Variants in TANC1 observed in about 807,000 individuals in gnomAD.
TANC1 encodes protein TANC1.
In TANC1, 77 loss-of-function variants were observed where a neutral mutation model predicts 149.7. The observed-to-expected ratio is 0.51, with a 90% CI of 0.43 to 0.62. TANC1 has a LOEUF of 0.62. TANC1 is among the 20% of genes least tolerant of loss of function. The probability of loss-of-function intolerance (pLI) is 0.00; values close to 1 mark genes in which losing one functional copy is unlikely to be tolerated. For missense variants in TANC1, 1,985 were observed against 2,321.8 expected (o/e 0.85, Z 2.98); for synonymous variants, 854 against 925.0 (o/e 0.92, Z 1.39).
intron 8 of TANC1, among the ~76,000 whole-genome samples, chr2:159,167,174 C>G (rs146589507): frequency 3.1e-4 from 47 of 152,314 alleles, no homozygotes; most frequent in African/African-American, 1.0e-3. Context: ...TTTTTATTCT[C>G]TAGGGCTGCA....
At chr2:159,032,520 C>T (rs1357953227) in intron 2 of TANC1, among the ~76,000 whole-genome samples, 3 of 151,654 alleles carry the variant, frequency 2.0e-5, no homozygotes, top group Non-Finnish European at 4.4e-5. Flanking sequence ...TTTTTTTTGG[C>T]GTCCTTGCAT....
chr2:159,069,509 A>G (rs2042958490), intron 3 of TANC1, among the ~76,000 whole-genome samples: 1 of 152,166 alleles, frequency 6.6e-6, no homozygotes, highest in African/African-American at 2.4e-5. Flanking sequence ...AGTGACCTTT[A>G]CTATCAGAAA....
intron 14 of TANC1, among the ~76,000 whole-genome samples, chr2:159,181,447 G>A (rs1303548081): frequency 2.6e-5 from 4 of 151,992 alleles, no homozygotes; most frequent in East Asian, 1.9e-4. Context: ...ACAGGCGCCC[G>A]CCACCTCATC....
At chr2:159,146,874 G>A (rs1448185534) in intron 5 of TANC1, among the ~76,000 whole-genome samples, 1 of 151,966 alleles carries the variant, frequency 6.6e-6, no homozygotes, top group Non-Finnish European at 1.5e-5. Flanking sequence ...CATTAAAGCT[G>A]GAATCGCCAC....
intron 2 of TANC1, among the ~76,000 whole-genome samples, chr2:159,039,529 C>T (rs1395023882): frequency 6.6e-6 from 1 of 152,170 alleles, no homozygotes; most frequent in Non-Finnish European, 1.5e-5. Flanking sequence ...CTAAATGTGT[C>T]CCAGAGACTC....
chr2:159,160,926 A>G (rs1575029629), intron 7 of TANC1, among the ~76,000 whole-genome samples: 2 of 147,370 alleles, frequency 1.4e-5, no homozygotes, highest in Non-Finnish European at 3.0e-5. Flanking sequence ...TTCCTCCCCC[A>G]CCCCTTTTCC....
At chr2:159,149,071 G>A in intron 5 of TANC1, 71 bp from the exon 6 acceptor site, 1 of 1,497,254 alleles carries the variant, frequency 6.7e-7, no homozygotes, top group South Asian at 1.4e-5. Context: ...CAGCTGTAGT[G>A]TGAACTCATC....
At chr2:159,146,536 CTTTTTTTTTTTTTT>C (rs35745470) in intron 5 of TANC1, among the ~76,000 whole-genome samples, 5 of 78,356 alleles carry the variant, frequency 6.4e-5, no homozygotes, top group African/African-American at 9.4e-5. Context: ...GTCCCTTTTC[CTTTTTTTTTTTTTT>C]TTTTTTTGGA....
At chr2:159,201,686 A>T (rs1411202206) in intron 19 of TANC1, among the ~76,000 whole-genome samples, 2 of 152,236 alleles carry the variant, frequency 1.3e-5, no homozygotes, top group African/African-American at 4.8e-5. Flanking sequence ...CCCAAGAGTA[A>T]TACTTATCTG....
At position 159,181,812 on chromosome 2, in the gene TANC1, G is replaced by A. The variant is rs73002957; in HGVS notation, c.2510+2649G>A. Among the ~76,000 whole-genome samples the A allele has an allele frequency of 8.4e-3, 1,286 of 152,240 alleles. 17 individuals are homozygous for A. The highest frequency in any genetic ancestry group is 0.029 in the African/African-American group (1,199 of 41,532). On this transcript the variant is annotated intron_variant, in intron 14 of 26. Coordinates refer to ENST00000263635, the MANE Select transcript of TANC1 (RefSeq NM_033394.3). ...TGGTAGCTATTAAATCAGATCTTAA[G>A]ACGATGTACTACCTCTCTTCTTTCC...
intron 2 of TANC1, among the ~76,000 whole-genome samples, chr2:159,025,474 CACT>C (rs2039261445): frequency 2.0e-5 from 3 of 152,098 alleles, no homozygotes; most frequent in Non-Finnish European, 4.4e-5. Context: ...AAATCCCAGA[CACT>C]ATGTAATTCC....
intron 26 of TANC1, 38 bp from the exon 27 acceptor site, chr2:159,229,540 G>A (rs1470117642): frequency 1.6e-5 from 24 of 1,480,378 alleles, no homozygotes; most frequent in Non-Finnish European, 2.1e-5. Context: ...GCATGTTCGT[G>A]TGTGGTTTGT....
chr2:159,123,054 C>A (rs946470326), intron 4 of TANC1, among the ~76,000 whole-genome samples: 3 of 152,154 alleles, frequency 2.0e-5, no homozygotes, highest in African/African-American at 7.2e-5. Context: ...ACAGTGCTTA[C>A]AGGTATTTCT....
intron 19 of TANC1, among the ~76,000 whole-genome samples, chr2:159,217,288 C>G (rs1438329902): frequency 2.0e-5 from 3 of 152,144 alleles, no homozygotes; most frequent in African/African-American, 7.2e-5. Flanking sequence ...TGCAAGCAGC[C>G]CATCTCTTAG....
chr2:159,219,975 AGAGTGTGTGTGTGTGTGTGTGTGTGT>A (rs2059588056), intron 22 of TANC1, 108 bp downstream of exon 22: 10 of 748,166 alleles, frequency 1.3e-5, no homozygotes, highest in South Asian at 2.0e-5. Flanking sequence ...GTGTCATCAG[AGAGTGTGTGTGTGTGTGTGTGTGTGT>A]GTGTGTGTGT....
intron 4 of TANC1, among the ~76,000 whole-genome samples, chr2:159,115,194 G>GTA (rs2048121284): frequency 6.6e-6 from 1 of 151,804 alleles, no homozygotes; most frequent in South Asian, 2.1e-4. Context: ...GTGTGTGTGT[G>GTA]TGTATGTGTG....
At position 159,163,302 on chromosome 2, in the gene TANC1, C is replaced by T. The variant is rs1357148699; in HGVS notation, c.702C>T (p.Ser234=). 2.5e-6 allele frequency: 4 copies of T among 1,613,276 alleles called. No individual in the cohort carries two copies. The highest frequency in any genetic ancestry group is 1.7e-5 in the Admixed American group (1 of 59,886). Residue 234 remains serine, a synonymous_variant, in exon 8 of 27, where the codon TCC becomes TCT. Transcript: ENST00000263635. ...TTTCAGCCACAATTACAAGTTCATC[C>T]GAAAATGATGACCGGAGTGGCTCCA... ...SGIIATITSS[S]ENDDRSGSSL...
chr2:158,977,431 C>T (rs2033820823), intron 1 of TANC1, among the ~76,000 whole-genome samples: 1 of 152,090 alleles, frequency 6.6e-6, no homozygotes, highest in Non-Finnish European at 1.5e-5. Flanking sequence ...CTGCCTCAGC[C>T]TCCTGAATAG....
chr2:158,992,742 G>A (rs1163664737), intron 1 of TANC1, among the ~76,000 whole-genome samples: 1 of 144,384 alleles, frequency 6.9e-6, no homozygotes, highest in East Asian at 2.0e-4. Context: ...GGATGGTCTC[G>A]ATCTCCTGAC....
Sources: allele counts gnomAD v4.1 joint callset (sites outside exome capture counted in the v4.1 genomes callset), GRCh38; gene constraint gnomAD v4.1.1; transcripts MANE v1.5; gene names NCBI Gene and HGNC (gene_info 2026-07-23, HGNC 2026-07-21).